The following PLB1 variants were observed in gnomAD, a reference collection of about 807,000 sequenced individuals.
PLB1 encodes phospholipase B1.
Under a neutral mutation model 227.4 loss-of-function variants are expected in PLB1, and 242 were observed. The observed-to-expected ratio is 1.06, with a 90% CI of 0.96 to 1.18. PLB1 has a LOEUF of 1.18. Ranked by LOEUF, PLB1 falls within the 50% of genes most tolerant of loss-of-function variation. PLB1 has a pLI of 0.00. For synonymous variants in PLB1, 757 were observed against 682.2 expected, an observed-to-expected ratio of 1.11 and a Z score of -1.71; for missense variants, 1,858 against 1,816.3, an observed-to-expected ratio of 1.02 and a Z score of -0.42.
chr2:28,557,992 T>C lies in PLB1; in HGVS notation c.1147+5001T>C, dbSNP rs546620142. On this transcript the variant is annotated intron_variant, in intron 17 of 57. Coordinates refer to ENST00000327757, the MANE Select transcript of PLB1 (RefSeq NM_153021.5). ...TCTGGTTTATTACTGTATCTCTTGC[T>C]GAGATTCCTTCAGAATGGCCAACTG... 2.6e-5 allele frequency among the ~76,000 whole-genome samples: 4 copies of C among 152,344 alleles called. No individual in the cohort carries two copies. In the South Asian group the frequency reaches 8.3e-4, roughly 32 times the overall value.
At chr2:28,567,387 G>C (rs376653957) in intron 20 of PLB1, among the ~76,000 whole-genome samples, 1 of 151,982 alleles carries the variant, frequency 6.6e-6, no homozygotes, top group African/African-American at 2.4e-5. Context: ...ATCTTGTGCA[G>C]GCTGTGCAGA....
intron 18 of PLB1, among the ~76,000 whole-genome samples, chr2:28,564,829 C>T (rs146175519): frequency 1.5e-4 from 23 of 151,450 alleles, no homozygotes; most frequent in South Asian, 2.1e-4. Flanking sequence ...CAGCTGATGA[C>T]GGCTACGTGG....
At chr2:28,631,152 CAAAAAAAA>C (rs56107032) in intron 54 of PLB1, among the ~76,000 whole-genome samples, 9 of 137,694 alleles carry the variant, frequency 6.5e-5, no homozygotes, top group African/African-American at 1.9e-4. Context: ...GACCCTATCT[CAAAAAAAA>C]AAAAAAGAAA....
intron 34 of PLB1, 79 bp from the exon 35 acceptor site, chr2:28,598,573 C>A: frequency 1.7e-6 from 2 of 1,149,620 alleles, no homozygotes; most frequent in Non-Finnish European, 2.6e-6. Flanking sequence ...ACTTTGGGGA[C>A]CTAGGTCCCA....
chr2:28,614,362 A>C (rs899048804), intron 44 of PLB1, among the ~76,000 whole-genome samples: 1 of 152,192 alleles, frequency 6.6e-6, no homozygotes, highest in Non-Finnish European at 1.5e-5. Flanking sequence ...TCCTGGGCTC[A>C]CAGACGTGGT....
intron 4 of PLB1, 135 bp downstream of exon 4, chr2:28,519,898 G>A (rs1381617015): frequency 1.9e-5 from 8 of 424,682 alleles, no homozygotes; most frequent in Non-Finnish European, 3.4e-5. Flanking sequence ...CCAGGAGGTT[G>A]AATCTTTTTA....
intron 14 of PLB1, among the ~76,000 whole-genome samples, chr2:28,544,373 G>A (rs1672922018): frequency 6.6e-6 from 1 of 152,240 alleles, no homozygotes; most frequent in South Asian, 2.1e-4. Flanking sequence ...CCCTCTCTCA[G>A]GGAGAGGAGG....
At position 28,605,737 on chromosome 2, in the gene PLB1, C is replaced by T. The variant is rs1684579808; in HGVS notation, c.2962-116C>T. ...GAATGGGCCCTGTGGTGGCTGGTGACCTGGAGCACTCCAGGGGAAGGAAGG... is the reference window on the plus strand; with the variant it reads ...GAATGGGCCCTGTGGTGGCTGGTGATCTGGAGCACTCCAGGGGAAGGAAGG... On this transcript the variant is annotated intron_variant, in intron 41 of 57. Coordinates refer to ENST00000327757, the MANE Select transcript of PLB1 (RefSeq NM_153021.5). 6.7e-6 allele frequency: 5 copies of T among 749,072 alleles called. No individual in the cohort carries two copies. In the East Asian group the frequency reaches 1.2e-4, roughly 18 times the overall value. 46.4% of individuals were successfully genotyped at this position (749,072 alleles called of 1,614,324 possible).
intron 38 of PLB1, 23 bp from the exon 39 acceptor site, chr2:28,602,798 C>G (rs902170148): frequency 1.2e-6 from 2 of 1,606,752 alleles, no homozygotes; most frequent in Admixed American, 1.7e-5. Context: ...GAGCCCCCCT[C>G]TCATCTGCAG....
At chr2:28,590,249 C>G (rs548402664) in intron 29 of PLB1, among the ~76,000 whole-genome samples, 173 bp downstream of exon 29, 72 of 152,244 alleles carry the variant, frequency 4.7e-4, no homozygotes, top group African/African-American at 7.0e-4. Context: ...ACGGCCACCC[C>G]CAGTGACCCA....
intron 16 of PLB1, among the ~76,000 whole-genome samples, chr2:28,552,140 G>C (rs902337250): frequency 6.6e-6 from 1 of 152,146 alleles, no homozygotes; most frequent in African/African-American, 2.4e-5. Context: ...GTTTTCATGG[G>C]GTATTCTGGG....
At chr2:28,519,832 G>T in intron 4 of PLB1, 69 bp downstream of exon 4, 1 of 1,270,680 alleles carries the variant, frequency 7.9e-7, no homozygotes, top group South Asian at 1.2e-5. Flanking sequence ...ATGGGCTCCT[G>T]GTAACTGGGC....
chr2:28,544,448 A>C (rs970916818), intron 14 of PLB1, among the ~76,000 whole-genome samples: 2 of 152,172 alleles, frequency 1.3e-5, no homozygotes, highest in African/African-American at 4.8e-5. Context: ...CAACAAAAGG[A>C]CACCTGTGAC....
At chr2:28,588,949 A>C (rs1254913532) in intron 26 of PLB1, among the ~76,000 whole-genome samples, 1 of 151,916 alleles carries the variant, frequency 6.6e-6, no homozygotes, top group Non-Finnish European at 1.5e-5. Flanking sequence ...GTGGATCACG[A>C]GGTCAGGAGT....
chr2:28,527,321 G>A (rs567010300), intron 6 of PLB1, among the ~76,000 whole-genome samples: 2 of 152,204 alleles, frequency 1.3e-5, no homozygotes, highest in Non-Finnish European at 2.9e-5. Flanking sequence ...AGCCCTCCGA[G>A]GCAGGCCTTA....
chr2:28,614,783 G>A (rs920453938), intron 44 of PLB1, among the ~76,000 whole-genome samples: 2 of 152,192 alleles, frequency 1.3e-5, no homozygotes, highest in African/African-American at 4.8e-5. Flanking sequence ...TAGAAGGCAT[G>A]CAGAGAAGTA....
At chr2:28,553,526 A>G (rs4666093) in intron 17 of PLB1, among the ~76,000 whole-genome samples, 29,768 of 151,994 alleles carry the variant, frequency 0.2, 3,098 homozygotes, top group Middle Eastern at 0.26. Context: ...CAACCTTCCC[A>G]AAGACGGTCT....
chr2:28,536,327 G>A (rs144059621), intron 9 of PLB1, among the ~76,000 whole-genome samples: 10 of 152,342 alleles, frequency 6.6e-5, no homozygotes, highest in African/African-American at 2.4e-4. Flanking sequence ...GCAGTGACCT[G>A]AGGATGCTTT....
chr2:28,564,580 G>C (rs533003840), intron 18 of PLB1, among the ~76,000 whole-genome samples: 1 of 152,144 alleles, frequency 6.6e-6, no homozygotes, highest in Non-Finnish European at 1.5e-5. Flanking sequence ...ATCACATCTC[G>C]GCACAGCTGC....
Sources: gnomAD v4.1 joint callset for allele counts (sites outside exome capture counted in the v4.1 genomes callset) on GRCh38, gnomAD v4.1.1 for gene constraint, MANE v1.5 for transcripts, NCBI Gene and HGNC (gene_info 2026-07-23, HGNC 2026-07-21) for gene names.